Variants in ATP10B observed in about 807,000 individuals in gnomAD.
The protein encoded by ATP10B is phospholipid-transporting ATPase VB.
A neutral mutation model predicts 141.2 loss-of-function variants in ATP10B; 122 were observed. The observed-to-expected ratio is 0.86, with a 90% CI of 0.75 to 1.00. The LOEUF (loss-of-function observed/expected upper bound fraction) is 1.00, where lower values mean the gene tolerates loss of function less well. Ranked by LOEUF, ATP10B falls within the 50% of genes least tolerant of loss-of-function variation. The pLI is 0.00. For synonymous variants in ATP10B, 685 were observed against 692.0 expected (o/e 0.99, Z 0.16); for missense variants, 1,876 against 1,825.3 (o/e 1.03, Z -0.51).
At chr5:160,914,158 T>C in the ATP10B span, among the ~76,000 whole-genome samples, 4 of 152,208 alleles carry the variant, frequency 2.6e-5, no homozygotes, top group African/African-American at 7.2e-5. Flanking sequence ...TGGAACAAAA[T>C]TGAACAGGTT....
chr5:160,786,627 G>A (rs996487304), intron 1 of ATP10B, among the ~76,000 whole-genome samples: 2 of 152,074 alleles, frequency 1.3e-5, no homozygotes, highest in Non-Finnish European at 2.9e-5. Flanking sequence ...GGAAAGAGTT[G>A]ACACACTCAT....
At chr5:160,777,026 C>G (rs934228072) in intron 2 of ATP10B, among the ~76,000 whole-genome samples, 1 of 152,174 alleles carries the variant, frequency 6.6e-6, no homozygotes, top group Non-Finnish European at 1.5e-5. Flanking sequence ...GTGCCTGAGC[C>G]AGACCCTGCC....
In ATP10B at chr5:160,670,583, T is replaced by TCATTG; in HGVS notation, c.554_555insCAATG (p.Ala186AsnfsTer36). ...AGGAAAAAAGGAGGAGTATGTCTGC[T>TCATTG]GGGACAATCTCATTGCATTTCATTT... On this transcript the variant is annotated frameshift_variant, in exon 7 of 26. Transcript: ENST00000327245. LOFTEE classifies it high-confidence loss of function. The TCATTG allele has an allele frequency of 6.2e-7, 1 of 1,614,032 alleles. No homozygotes were observed. Among genetic ancestry groups the TCATTG allele is most frequent in the Non-Finnish European group, 8.5e-7 (1 of 1,179,928 alleles).
chr5:160,863,711 A>G, the ATP10B span, among the ~76,000 whole-genome samples: 9 of 152,100 alleles, frequency 5.9e-5, no homozygotes, highest in African/African-American at 2.2e-4. Flanking sequence ...TAGCAGTATT[A>G]ACCAAGAAGA....
At chr5:160,644,689 C>T (rs377111543) in intron 8 of ATP10B, among the ~76,000 whole-genome samples, 21 of 152,188 alleles carry the variant, frequency 1.4e-4, no homozygotes, top group East Asian at 5.8e-4. Flanking sequence ...GCCATGGCAA[C>T]GTCAGGAAGT....
intron 3 of ATP10B, among the ~76,000 whole-genome samples, chr5:160,690,266 T>A (rs1274840961): frequency 6.6e-6 from 1 of 152,138 alleles, no homozygotes; most frequent in Non-Finnish European, 1.5e-5. Context: ...GAAGAAAACC[T>A]AGGCAAAACC....
chr5:160,682,641 G>A (rs1763475975), intron 6 of ATP10B, among the ~76,000 whole-genome samples: 1 of 152,216 alleles, frequency 6.6e-6, no homozygotes, highest in African/African-American at 2.4e-5. Context: ...ATTCCTCCCT[G>A]AGGCACCAGC....
chr5:160,736,488 G>C (rs958887131), intron 2 of ATP10B, among the ~76,000 whole-genome samples: 8 of 152,188 alleles, frequency 5.3e-5, no homozygotes, highest in African/African-American at 1.9e-4. Flanking sequence ...AGTAGGCCAG[G>C]CATGGTGGCT....
rs187985235 is a variant in ATP10B at position 160,816,689 on chromosome 5, G to A, written c.-575-30886C>T. On this transcript the variant is annotated intron_variant, in intron 1 of 25. Transcript: ENST00000327245. ...CATCCTGATACCAAAGCCGGACAGA[G>A]ACACAAGAAAAAAAGAGAATTTTAG... Among the ~76,000 whole-genome samples, 10 of 152,140 alleles carry A rather than the reference G, an allele frequency of 6.6e-5. No individual in the cohort carries two copies. In the East Asian group the frequency reaches 1.7e-3, roughly 26 times the overall value.
chr5:160,657,954 A>G (rs898642529), intron 7 of ATP10B, among the ~76,000 whole-genome samples: 1 of 152,260 alleles, frequency 6.6e-6, no homozygotes, highest in South Asian at 2.1e-4. Context: ...TACACAGACA[A>G]ACTTTTCTGT....
chr5:160,593,908 T>C (rs950268485), intron 22 of ATP10B, among the ~76,000 whole-genome samples: 3 of 152,160 alleles, frequency 2.0e-5, no homozygotes, highest in African/African-American at 7.2e-5. Context: ...CTACGTCTGA[T>C]TGGTGTACCT....
At chr5:160,771,673 C>CT (rs1363340352) in intron 2 of ATP10B, among the ~76,000 whole-genome samples, 1 of 109,962 alleles carries the variant, frequency 9.1e-6, no homozygotes, top group Admixed American at 1.2e-4. Flanking sequence ...CCTAAATCTA[C>CT]TCTTACCAAA....
At chr5:160,566,254 G>T (rs1754530885) in intron 25 of ATP10B, among the ~76,000 whole-genome samples, 1 of 152,190 alleles carries the variant, frequency 6.6e-6, no homozygotes, top group African/African-American at 2.4e-5. Context: ...GCCACACAGT[G>T]GTTGAGCTAT....
chr5:160,592,810 T>G (rs923447741), intron 22 of ATP10B, among the ~76,000 whole-genome samples: 4 of 152,238 alleles, frequency 2.6e-5, no homozygotes, highest in Non-Finnish European at 4.4e-5. Context: ...TCTCGCTGAT[T>G]GCTAGCACAG....
At chr5:160,654,271 C>G (rs1761318642) in intron 7 of ATP10B, among the ~76,000 whole-genome samples, 1 of 151,756 alleles carries the variant, frequency 6.6e-6, no homozygotes, top group East Asian at 1.9e-4. Flanking sequence ...GGCCAGGGTT[C>G]TTATTTTAAC....
intron 21 of ATP10B, 48 bp from the exon 22 acceptor site, chr5:160,599,018 G>A (rs17480493): frequency 0.059 from 93,420 of 1,582,452 alleles, 3,174 homozygotes; most frequent in Non-Finnish European, 0.069. Context: ...ATGTGCAGCC[G>A]GTCACCAGCT....
At chr5:160,676,647 T>C (rs1763049113) in intron 6 of ATP10B, among the ~76,000 whole-genome samples, 1 of 152,220 alleles carries the variant, frequency 6.6e-6, no homozygotes, top group South Asian at 2.1e-4. Context: ...TATATTTTTC[T>C]TGAATACAGG....
Position 160,818,724 on chromosome 5 carries a change from C to G in ATP10B, c.-575-32921G>C, listed in dbSNP as rs1333088855. ...AATATGTTTATTGTGGCACTATTCA[C>G]AATAGCAAAGACTTGGAACCAACCC... On this transcript the variant is annotated intron_variant, in intron 1 of 25. Transcript: ENST00000327245. Among the ~76,000 whole-genome samples, 4 of 152,152 alleles carry G rather than the reference C, an allele frequency of 2.6e-5. No individual in the cohort carries two copies. The East Asian group carries it at 5.8e-4, about 22-fold the overall frequency.
intron 7 of ATP10B, among the ~76,000 whole-genome samples, chr5:160,660,591 C>A (rs367937739): frequency 6.6e-6 from 1 of 152,172 alleles, no homozygotes; most frequent in Non-Finnish European, 1.5e-5. Context: ...CAATACTTCA[C>A]GAAGGGAAAT....
Sources: gnomAD v4.1 joint callset for allele counts (sites outside exome capture counted in the v4.1 genomes callset) on GRCh38, gnomAD v4.1.1 for gene constraint, MANE v1.5 for transcripts, NCBI Gene and HGNC (gene_info 2026-07-23, HGNC 2026-07-21) for gene names.